Variants in TXN observed in about 807,000 individuals in gnomAD.
TXN encodes the protein ADF.
Under a neutral mutation model 16.5 loss-of-function variants are expected in TXN, and 10 were observed. That is an observed-to-expected ratio of 0.61 (90% CI 0.37 to 1.03). The LOEUF is 1.03. Among genes scored for constraint, TXN ranks in the 50% least tolerant of loss-of-function variants. The pLI is 0.01. For missense variants in TXN, 71 were observed against 122.5 expected (o/e 0.58, Z 1.98); for synonymous variants, 35 against 39.4 (o/e 0.89, Z 0.42).
intron 1 of TXN, among the ~76,000 whole-genome samples, chr9:110,252,186 T>C (rs1391448560): frequency 7.7e-6 from 1 of 130,584 alleles, no homozygotes; most frequent in Non-Finnish European, 1.5e-5. Flanking sequence ...ATTGTGCCAC[T>C]GCACTCCATC....
chr9:110,244,126 C>A lies in TXN; in HGVS notation c.*31G>T. ...AAAAAAATTACAAGTTTTAAATAGC[C>A]AATGGCTGGTTATATTTTCAGAAAA... On this transcript the variant is annotated 3_prime_UTR_variant, in exon 5 of 5. Transcript: ENST00000374517. 1 of 1,421,088 alleles carries A rather than the reference C, an allele frequency of 7.0e-7. No individual in the cohort carries two copies. The allele number at this position is 1,421,088 out of a possible 1,614,324, so 88.0% of individuals were successfully genotyped here. A position where few individuals can be genotyped will look rare whatever the true frequency, so the allele number is the denominator to read the frequency against.
intron 3 of TXN, among the ~76,000 whole-genome samples, chr9:110,245,841 G>A (rs1405066644): frequency 6.6e-6 from 1 of 150,586 alleles, no homozygotes; most frequent in East Asian, 2.0e-4. Context: ...AAGGCCGGTG[G>A]GTCACCTGAG....
intron 3 of TXN, among the ~76,000 whole-genome samples, chr9:110,248,884 G>A (rs764319482): frequency 2.0e-5 from 3 of 151,976 alleles, no homozygotes; most frequent in Non-Finnish European, 4.4e-5. Context: ...AGGCCGAGGT[G>A]GGTGGATCAC....
chr9:110,250,900 A>G lies in TXN; in HGVS notation c.130-21T>C, dbSNP rs1240893753. 3 of 1,592,928 alleles carry G rather than the reference A, an allele frequency of 1.9e-6. No individual in the cohort carries two copies. The East Asian group carries it at 6.7e-5, about 36-fold the overall frequency. On this transcript the variant is annotated intron_variant, in intron 2 of 4. Transcript: ENST00000374517. ...AGGGACTGGAAAATTTAAAATGAAA[A>G]ATCCAAAAAGATTTAGAACTAGGTA...
rs1837735743 is a variant in TXN, at chr9:110,251,467, C to T, written c.25-5G>A. ...CAAGGCTTCCTGAAAAGCAGTCTAA[C>T]AGCAAAAGAAAAGCTTATATTAAAT... is the stretch of plus-strand genomic sequence containing the variant. On this transcript the variant is annotated splice_region_variant and splice_polypyrimidine_tract_variant and intron_variant, in intron 1 of 4. Transcript: ENST00000374517. 6.3e-7 allele frequency: 1 copy of T among 1,581,492 alleles called. No homozygotes were observed. The highest frequency in any genetic ancestry group is 8.7e-7 in the Non-Finnish European group (1 of 1,155,084).
chr9:110,248,077 G>C (rs751871642), intron 3 of TXN, among the ~76,000 whole-genome samples: 5 of 152,110 alleles, frequency 3.3e-5, no homozygotes, highest in Non-Finnish European at 7.4e-5. Flanking sequence ...AAATATTTTT[G>C]TAGAGCTGTA....
intron 2 of TXN, 35 bp downstream of exon 2, chr9:110,251,323 A>G: frequency 1.3e-6 from 2 of 1,510,084 alleles, no homozygotes; most frequent in South Asian, 2.3e-5. Context: ...AAAAAACACA[A>G]ATCTCTTACA....
chr9:110,244,811 C>T lies in TXN; in HGVS notation c.222G>A (p.Met74Ile). The change falls in exon 4 of 5, where the codon ATG becomes ATA. Residue 74 changes from methionine to isoleucine, a missense_variant. Coordinates refer to ENST00000374517, the MANE Select transcript of TXN (RefSeq NM_003329.4). ...CCTTCTTAAAAAACTGGAATGTTGG[C>T]ATGCATTTGACTTCACACTCTGAAG... ...DVASECEVKC[M>I]PTFQFFKKGQ... 6.2e-7 allele frequency: 1 copy of T among 1,612,956 alleles called. No homozygotes were observed. Among genetic ancestry groups the T allele is most frequent in the Non-Finnish European group, 8.5e-7 (1 of 1,179,196 alleles).
chr9:110,247,361 G>C (rs999861077), intron 3 of TXN, among the ~76,000 whole-genome samples: 1 of 151,888 alleles, frequency 6.6e-6, no homozygotes, highest in Non-Finnish European at 1.5e-5. Context: ...GGGTGATCAG[G>C]GTGCACCAAG....
At chr9:110,247,079 T>C (rs1425631600) in intron 3 of TXN, among the ~76,000 whole-genome samples, 1 of 152,108 alleles carries the variant, frequency 6.6e-6, no homozygotes, top group African/African-American at 2.4e-5. Flanking sequence ...TCCCAGCACT[T>C]TGGGAGGCCA....
chr9:110,254,403 T>C (rs1303220410), intron 1 of TXN, among the ~76,000 whole-genome samples: 1 of 152,052 alleles, frequency 6.6e-6, no homozygotes, highest in African/African-American at 2.4e-5. Context: ...ATGCCTGTAA[T>C]CCCAGCTGTG....
chr9:110,254,759 CTTTG>C (rs1219867980), intron 1 of TXN, among the ~76,000 whole-genome samples: 1 of 152,136 alleles, frequency 6.6e-6, no homozygotes, highest in Non-Finnish European at 1.5e-5. Flanking sequence ...TCCTAATCAA[CTTTG>C]TTTGTAGTGT....
chr9:110,246,151 C>A (rs1332103228), intron 3 of TXN, among the ~76,000 whole-genome samples: 1 of 152,178 alleles, frequency 6.6e-6, no homozygotes, highest in South Asian at 2.1e-4. Context: ...TCCCCATCAA[C>A]CCCATCTTAA....
At chr9:110,245,655 T>TATATATATATA (rs1491112333) in intron 3 of TXN, among the ~76,000 whole-genome samples, 35 of 13,140 alleles carry the variant, frequency 2.7e-3, no homozygotes, top group South Asian at 3.4e-3. Context: ...TATATATATA[T>TATATATATATA]TTTTTTTTTT....
intron 1 of TXN, among the ~76,000 whole-genome samples, chr9:110,253,781 T>G (rs1414629443): frequency 6.6e-6 from 1 of 152,204 alleles, no homozygotes; most frequent in East Asian, 1.9e-4. Flanking sequence ...TAAACGGGTA[T>G]CAGCTTGAAA....
At chr9:110,254,725 G>A (rs1003807542) in intron 1 of TXN, among the ~76,000 whole-genome samples, 6 of 152,128 alleles carry the variant, frequency 3.9e-5, no homozygotes, top group African/African-American at 1.4e-4. Flanking sequence ...ACAACTGGGA[G>A]GACTAAACTG....
intron 1 of TXN, among the ~76,000 whole-genome samples, chr9:110,253,076 G>GC (rs1358947871): frequency 4.2e-5 from 6 of 143,758 alleles, no homozygotes; most frequent in East Asian, 2.0e-4. Flanking sequence ...AACATTCCCC[G>GC]CCCCCCACCG....
At chr9:110,247,625 A>G (rs1430683508) in intron 3 of TXN, among the ~76,000 whole-genome samples, 1 of 152,226 alleles carries the variant, frequency 6.6e-6, no homozygotes, top group Admixed American at 6.5e-5. Context: ...TACCTGCGGA[A>G]TAGCCATTCT....
rs752334735 is a variant in TXN at position 110,243,970 on chromosome 9, A to G, written c.*187T>C. 1.9e-5 allele frequency: 6 copies of G among 321,196 alleles called. No homozygotes were observed. The highest frequency in any genetic ancestry group is 2.9e-5 in the Non-Finnish European group (5 of 171,438). The allele number at this position is 321,196 out of a possible 1,614,324, so 19.9% of individuals were successfully genotyped here. ...TTGAGAATATAGGAAAATACATTAA[A>G]TGACCATTTCACATTTATTTTGAAA... On this transcript the variant is annotated 3_prime_UTR_variant, in exon 5 of 5. Coordinates refer to ENST00000374517, the MANE Select transcript of TXN (RefSeq NM_003329.4).
Sources: gnomAD v4.1 joint callset for allele counts (sites outside exome capture counted in the v4.1 genomes callset) on GRCh38, gnomAD v4.1.1 for gene constraint, MANE v1.5 for transcripts, NCBI Gene and HGNC (gene_info 2026-07-23, HGNC 2026-07-21) for gene names.